The following CAMTA1 variants were observed in gnomAD, a reference collection of about 807,000 sequenced individuals.
The protein encoded by CAMTA1 is calmodulin-binding transcription activator 1.
In CAMTA1, 27 loss-of-function variants were observed where a neutral mutation model predicts 170.9. The observed-to-expected ratio is 0.16, with a 90% confidence interval of 0.12 to 0.22. CAMTA1 has a LOEUF of 0.22. Among genes scored for constraint, CAMTA1 ranks in the 10% least tolerant of loss-of-function variants. The pLI, the probability that CAMTA1 is intolerant of heterozygous loss-of-function variation, is 1.00. For missense variants in CAMTA1, 1,619 were observed against 2,217.2 expected (o/e 0.73, Z 5.42); for synonymous variants, 833 against 891.5 (o/e 0.93, Z 1.17).
rs540242855 is a variant in CAMTA1 at position 7,501,155 on chromosome 1, C to T, written c.510+33254C>T. ...TATGCTGAGTAAGCAGGTTCTAGGGCATTCTCCCCAGACCCTCCAGGGAGG... is the reference window on the plus strand; with the variant it reads ...TATGCTGAGTAAGCAGGTTCTAGGGTATTCTCCCCAGACCCTCCAGGGAGG... On this transcript the variant is annotated intron_variant, in intron 6 of 22. Transcript: ENST00000303635. Among the ~76,000 whole-genome samples, 1,394 of 152,246 alleles carry T rather than the reference C, an allele frequency of 9.2e-3. 22 individuals are homozygous for T. Among genetic ancestry groups the T allele is most frequent in the African/African-American group, 0.032 (1,337 of 41,560 alleles).
chr1:6,904,181 T>G (rs1677754085), intron 3 of CAMTA1, among the ~76,000 whole-genome samples: 1 of 152,254 alleles, frequency 6.6e-6, no homozygotes, highest in Non-Finnish European at 1.5e-5. Flanking sequence ...TTCCATTCAA[T>G]AGGCACTTCT....
intron 3 of CAMTA1, among the ~76,000 whole-genome samples, chr1:6,976,264 G>A (rs557034750): frequency 6.6e-6 from 1 of 152,342 alleles, no homozygotes; most frequent in African/African-American, 2.4e-5. Context: ...CTGCATGCAT[G>A]TCAAGGAGAA....
chr1:6,877,319 G>A (rs997649066), intron 3 of CAMTA1, among the ~76,000 whole-genome samples: 1 of 152,184 alleles, frequency 6.6e-6, no homozygotes, highest in Non-Finnish European at 1.5e-5. Flanking sequence ...TTTGGCCTTG[G>A]CACCACCAAG....
At position 7,738,695 on chromosome 1, in the gene CAMTA1, C is replaced by A. The variant is rs1257301624; in HGVS notation, c.4182+213C>A. On this transcript the variant is annotated intron_variant, in intron 16 of 22. Coordinates refer to ENST00000303635, the MANE Select transcript of CAMTA1 (RefSeq NM_015215.4). This position sits in a 1 kb window ranked among gnomAD's most constrained non-coding sequence, Gnocchi z 4.9. ...GGGAGTAGGGCCTGAATACCAGTGA[C>A]CCCGGTCTCAGCAAAGCCTTCCCTC... is the stretch of plus-strand genomic sequence containing the variant. Among the ~76,000 whole-genome samples, 1 of 152,194 alleles carries A rather than the reference C, an allele frequency of 6.6e-6. No individual in the cohort carries two copies. The highest frequency in any genetic ancestry group is 2.4e-5 in the African/African-American group (1 of 41,444).
In CAMTA1 at chr1:7,738,237, T is replaced by C; in HGVS notation, c.3937T>C (p.Ser1313Pro). ...PTPETAAFQA[S>P]GSQPVGKWNS... ...TCCAGAGACTGCAGCATTTCAAGCC[T>C]CTGGATCTCAGCCTGTAGGAAAGTG... The change falls in exon 16 of 23, where the codon TCT (serine) becomes CCT (proline). Residue 1313 changes from serine (S) to proline (P), a missense_variant. This residue lies in a region of CAMTA1 where 370 missense variants were observed against 429.4 expected (regional missense o/e 0.86). Coordinates refer to ENST00000303635, the MANE Select transcript of CAMTA1 (RefSeq NM_015215.4). The surrounding 1 kb of genome is among the most constrained non-coding windows in gnomAD (Gnocchi z 4.9). The C allele has an allele frequency of 6.2e-7, 1 of 1,614,030 alleles. No homozygotes were observed. The highest frequency in any genetic ancestry group is 1.3e-5 in the African/African-American group (1 of 75,030).
intron 11 of CAMTA1, among the ~76,000 whole-genome samples, chr1:7,678,956 C>T (rs2096154584): frequency 6.6e-6 from 1 of 152,226 alleles, no homozygotes; most frequent in Non-Finnish European, 1.5e-5. Context: ...TTATCCCAGT[C>T]CCTGCCCCAG....
At chr1:7,070,833 ATCAC>A (rs1558054388) in intron 3 of CAMTA1, among the ~76,000 whole-genome samples, 1 of 152,232 alleles carries the variant, frequency 6.6e-6, no homozygotes, top group Non-Finnish European at 1.5e-5. Context: ...GTCTAGAAAA[ATCAC>A]TCAGGCAAGG....
intron 3 of CAMTA1, among the ~76,000 whole-genome samples, chr1:6,988,751 G>A (rs1695812219): frequency 6.6e-6 from 1 of 152,288 alleles, no homozygotes; most frequent in East Asian, 1.9e-4. Flanking sequence ...CCCTCTCCAG[G>A]TTCTGAAAAC....
At chr1:7,141,059 A>T (rs991037683) in intron 4 of CAMTA1, among the ~76,000 whole-genome samples, 1 of 152,154 alleles carries the variant, frequency 6.6e-6, no homozygotes, top group African/African-American at 2.4e-5. Context: ...TTAAATATTA[A>T]TTTTTGTGGC....
intron 5 of CAMTA1, among the ~76,000 whole-genome samples, chr1:7,272,599 T>C (rs1476944227): frequency 6.8e-6 from 1 of 147,568 alleles, no homozygotes; most frequent in East Asian, 2.0e-4. Context: ...TTAGCATTTA[T>C]GGTCAATTGA....
rs568354534 is a variant in CAMTA1 at position 7,075,879 on chromosome 1, T to C, written c.235-15425T>C. On this transcript the variant is annotated intron_variant, in intron 3 of 22. Transcript: ENST00000303635. Reference sequence around the variant, plus strand: ...GGTTTCGTCATGTTGGCCAGGCTGGTCTTGAACTCCTGATCTCAGGCGATC... The same window carrying C: ...GGTTTCGTCATGTTGGCCAGGCTGGCCTTGAACTCCTGATCTCAGGCGATC... 2.0e-5 allele frequency among the ~76,000 whole-genome samples: 3 copies of C among 151,982 alleles called. No homozygotes were observed. The East Asian group carries it at 5.8e-4, about 29-fold the overall frequency.
intron 5 of CAMTA1, among the ~76,000 whole-genome samples, chr1:7,356,858 T>C (rs845198): frequency 0.64 from 97,738 of 152,058 alleles, 32,872 homozygotes; most frequent in Middle Eastern, 0.76. Flanking sequence ...TGAGATTAGG[T>C]GGGCATAGTA....
In CAMTA1 at chr1:6,904,041, T is replaced by G. The variant is rs74051048; in HGVS notation, c.234+78831T>G. ...CAGATATTTATTCTACCTTGCTCAC[T>G]CTACTCAGCAATGTGCTGCCATTCT... On this transcript the variant is annotated intron_variant, in intron 3 of 22. Transcript: ENST00000303635. 2.4e-3 allele frequency among the ~76,000 whole-genome samples: 373 copies of G among 152,374 alleles called. 1 individual carries two copies. Among genetic ancestry groups the G allele is most frequent in the African/African-American group, 8.7e-3 (362 of 41,588 alleles).
intron 6 of CAMTA1, among the ~76,000 whole-genome samples, chr1:7,470,055 G>C (rs1380652879): frequency 6.6e-6 from 1 of 152,242 alleles, no homozygotes; most frequent in East Asian, 1.9e-4. Context: ...GGCAGGACCA[G>C]GCTTCTTCAT....
Position 7,125,880 on chromosome 1 carries a change from C to T in CAMTA1, c.302+34509C>T, listed in dbSNP as rs1051629878. Reference sequence around the variant, plus strand: ...TCCCCAAAGCCTCAAAGCCCCAACGCCCAGTGTGTTAGTCCATCTTTATGC... The same window carrying T: ...TCCCCAAAGCCTCAAAGCCCCAACGTCCAGTGTGTTAGTCCATCTTTATGC... On this transcript the variant is annotated intron_variant, in intron 4 of 22. Coordinates refer to ENST00000303635, the MANE Select transcript of CAMTA1 (RefSeq NM_015215.4). 3.9e-5 allele frequency among the ~76,000 whole-genome samples: 6 copies of T among 152,152 alleles called. No homozygotes were observed. In the South Asian group the frequency reaches 1.2e-3, roughly 32 times the overall value.
chr1:7,114,447 G>GAAA (rs35442405), intron 4 of CAMTA1, among the ~76,000 whole-genome samples: 2 of 137,266 alleles, frequency 1.5e-5, no homozygotes, highest in Non-Finnish European at 3.1e-5. Context: ...TGATAAGCCA[G>GAAA]AAAAAACAAA....
chr1:6,815,920 T>C (rs1463237205), intron 1 of CAMTA1, among the ~76,000 whole-genome samples: 3 of 152,164 alleles, frequency 2.0e-5, no homozygotes, highest in Admixed American at 2.0e-4. Flanking sequence ...CAACTACTCA[T>C]TTGACTCTTG....
chr1:7,354,547 C>T (rs148046289), intron 5 of CAMTA1, among the ~76,000 whole-genome samples: 35 of 152,296 alleles, frequency 2.3e-4, no homozygotes, highest in Middle Eastern at 6.8e-3. Flanking sequence ...TGTGTCTTTG[C>T]GGTAGAATAA....
intron 4 of CAMTA1, among the ~76,000 whole-genome samples, chr1:7,139,003 A>G (rs967543235): frequency 7.0e-6 from 1 of 142,816 alleles, no homozygotes; most frequent in East Asian, 2.0e-4. Flanking sequence ...TCAAAAAAAT[A>G]TATATATATA....
Sources: allele counts gnomAD v4.1 joint callset (sites outside exome capture counted in the v4.1 genomes callset), GRCh38; gene constraint gnomAD v4.1.1; regional missense constraint gnomAD v4.1.1; non-coding constraint Gnocchi (gnomAD v3.1); transcripts MANE v1.5; gene names NCBI Gene and HGNC (gene_info 2026-07-23, HGNC 2026-07-21).